RUNX1T1: variants seen among roughly 807,000 people sequenced by gnomAD.
The protein encoded by RUNX1T1 is protein CBFA2T1.
Under a neutral mutation model 62.8 loss-of-function variants are expected in RUNX1T1, and 4 were observed. The ratio of observed to expected loss-of-function variants is 0.06; its 90% confidence interval spans 0.03 to 0.15. RUNX1T1 has a LOEUF of 0.15. RUNX1T1 is among the 10% of genes least tolerant of loss of function. The pLI is 1.00. For synonymous variants in RUNX1T1, 291 were observed against 286.0 expected (o/e 1.02, Z -0.18); for missense variants, 508 against 754.3 (o/e 0.67, Z 3.82).
chr8:92,026,467 G>T (rs762287689), intron 1 of RUNX1T1, among the ~76,000 whole-genome samples: 26 of 152,186 alleles, frequency 1.7e-4, no homozygotes, highest in Non-Finnish European at 3.2e-4. Flanking sequence ...TCATGATCTG[G>T]AAAACTGGGA....
chr8:91,970,890 CAGTT>C (rs1415060955), intron 9 of RUNX1T1, 42 bp from the exon 11 acceptor site: 8 of 1,501,192 alleles, frequency 5.3e-6, no homozygotes, highest in Non-Finnish European at 7.1e-6. Flanking sequence ...AAACACCTCT[CAGTT>C]AGCCGAAGTC....
At position 92,017,506 on chromosome 8, in the gene RUNX1T1, A is replaced by C; in HGVS notation, c.8-143T>G. ...AAATACACTTATCTACTGACGTTTA[A>C]ATCAGGATTTTATCATCCAAACCCC... On this transcript the variant is annotated intron_variant, in intron 1 of 10. Coordinates refer to ENST00000396218, the Ensembl canonical transcript of RUNX1T1. 4.6e-6 allele frequency: 7 copies of C among 1,533,114 alleles called. No homozygotes were observed. The South Asian group carries it at 8.6e-5, about 19-fold the overall frequency. The allele number at this position is 1,533,114 out of a possible 1,614,324, so 95.0% of individuals were successfully genotyped here.
chr8:92,070,870 A>G (rs1833568156), intron 2 of RUNX1T1, among the ~76,000 whole-genome samples: 1 of 152,230 alleles, frequency 6.6e-6, no homozygotes, highest in Non-Finnish European at 1.5e-5. Flanking sequence ...AAACCAAATC[A>G]CTGCACATGT....
chr8:91,999,661 T>C (rs1819387281), intron 5 of RUNX1T1, among the ~76,000 whole-genome samples: 1 of 152,088 alleles, frequency 6.6e-6, no homozygotes, highest in African/African-American at 2.4e-5. Flanking sequence ...TGTCATAGGA[T>C]AGTGAGGAAA....
In RUNX1T1 at chr8:91,986,104, C is replaced by T. The variant is rs536276191; in HGVS notation, c.1198+20G>A. On this transcript the variant is annotated intron_variant, in intron 8 of 10. Transcript: ENST00000396218. Reference sequence around the variant, plus strand: ...ATAAGAAATATGTGTTTTCGAGATACTCATCTGAAGAAAAGTTACCTAGTG... The same window carrying T: ...ATAAGAAATATGTGTTTTCGAGATATTCATCTGAAGAAAAGTTACCTAGTG... The T allele has an allele frequency of 2.6e-6, 4 of 1,536,466 alleles. No homozygotes were observed. The highest frequency in any genetic ancestry group is 2.2e-5 in the East Asian group (1 of 44,544).
At chr8:91,987,032 A>G in intron 6 of RUNX1T1, 60 bp from the exon 8 acceptor site, 1 of 1,090,532 alleles carries the variant, frequency 9.2e-7, no homozygotes, top group East Asian at 2.4e-5. Context: ...CCATAAACAC[A>G]CAGACTCATA....
intron 1 of RUNX1T1, among the ~76,000 whole-genome samples, chr8:92,029,286 G>C (rs1049671070): frequency 7.9e-5 from 12 of 152,172 alleles, no homozygotes; most frequent in African/African-American, 2.9e-4. Flanking sequence ...TTTCTATAGT[G>C]TATCTGAGAG....
At chr8:92,094,958 A>T (rs1837571436) in intron 1 of RUNX1T1, 1 of 1,103,468 alleles carries the variant, frequency 9.1e-7, no homozygotes, top group Admixed American at 2.2e-5. Context: ...CCCTTTATCG[A>T]GTCTCTTTAA....
chr8:92,074,737 A>G (rs905447489), intron 2 of RUNX1T1, among the ~76,000 whole-genome samples: 8 of 152,212 alleles, frequency 5.3e-5, no homozygotes, highest in Non-Finnish European at 8.8e-5. Context: ...AAGAAAAGAG[A>G]AGTAGTCATG....
At chr8:91,991,286 G>A (rs1817618982) in intron 6 of RUNX1T1, among the ~76,000 whole-genome samples, 1 of 152,076 alleles carries the variant, frequency 6.6e-6, no homozygotes, top group African/African-American at 2.4e-5. Flanking sequence ...AAATATTTGT[G>A]GCAGGCAGAC....
At chr8:92,063,166 A>G (rs1486105104), upstream of RUNX1T1, among the ~76,000 whole-genome samples, 2 of 152,112 alleles carry the variant, frequency 1.3e-5, no homozygotes, top group Non-Finnish European at 2.9e-5. Flanking sequence ...CAGCCTACAA[A>G]CATTTTTATA....
At chr8:92,004,294 A>T (rs887972185) in intron 5 of RUNX1T1, 1 of 152,286 alleles carries the variant, frequency 6.6e-6, no homozygotes, top group Non-Finnish European at 1.5e-5. Flanking sequence ...ATATAGTTTC[A>T]TTGTAAAATT....
chr8:91,976,560 G>A (rs974189155), intron 8 of RUNX1T1, among the ~76,000 whole-genome samples: 3 of 152,210 alleles, frequency 2.0e-5, no homozygotes, highest in African/African-American at 7.2e-5. Flanking sequence ...TGGATTCACA[G>A]ACATTCTGTT....
At chr8:92,001,569 T>A (rs1253030439) in intron 5 of RUNX1T1, among the ~76,000 whole-genome samples, 1 of 152,130 alleles carries the variant, frequency 6.6e-6, no homozygotes, top group Admixed American at 6.5e-5. Context: ...TAAAGCATAA[T>A]TACATTAAAA....
At chr8:91,975,247 T>C (rs1813667963) in intron 9 of RUNX1T1, among the ~76,000 whole-genome samples, 1 of 152,200 alleles carries the variant, frequency 6.6e-6, no homozygotes, top group Non-Finnish European at 1.5e-5. Context: ...AGTCAGTGGG[T>C]CATGAGGAGC....
At chr8:91,986,033 C>T (rs1339870455) in intron 8 of RUNX1T1, 91 bp downstream of exon 9, 3 of 896,818 alleles carry the variant, frequency 3.3e-6, no homozygotes, top group South Asian at 2.8e-5. Context: ...AAATTCCTTG[C>T]ATATCCTTTA....
chr8:91,977,912 C>T (rs938583297), intron 8 of RUNX1T1, among the ~76,000 whole-genome samples: 71 of 152,184 alleles, frequency 4.7e-4, no homozygotes, highest in African/African-American at 1.6e-3. Flanking sequence ...CTCAGCCTCC[C>T]GAGTAGCTCG....
chr8:92,053,143 A>T (rs1359916468), intron 1 of RUNX1T1, among the ~76,000 whole-genome samples: 3 of 151,782 alleles, frequency 2.0e-5, no homozygotes, highest in Non-Finnish European at 2.9e-5. Context: ...CAAATTTTTA[A>T]AGAAAATATA....
At chr8:91,998,068 T>C (rs764072995) in intron 5 of RUNX1T1, among the ~76,000 whole-genome samples, 16 of 152,166 alleles carry the variant, frequency 1.1e-4, no homozygotes, top group Non-Finnish European at 2.2e-4. Flanking sequence ...TTTGTTAAGA[T>C]TGCCATAGAA....
Sources: gnomAD v4.1 joint callset for allele counts (sites outside exome capture counted in the v4.1 genomes callset) on GRCh38, gnomAD v4.1.1 for gene constraint, MANE v1.5 for transcripts, NCBI Gene and HGNC (gene_info 2026-07-23, HGNC 2026-07-21) for gene names.